The following ROR1 variants were observed in gnomAD, a reference collection of about 807,000 sequenced individuals.
ROR1 encodes the protein inactive tyrosine-protein kinase transmembrane receptor ROR1.
A neutral mutation model predicts 78.8 loss-of-function variants in ROR1; 19 were observed. That is an observed-to-expected ratio of 0.24 (90% confidence interval 0.17 to 0.35). The LOEUF (loss-of-function observed/expected upper bound fraction) is 0.35, where lower values mean the gene tolerates loss of function less well. Ranked by LOEUF, ROR1 falls within the 10% of genes least tolerant of loss-of-function variation. The probability of loss-of-function intolerance (pLI) is 1.00; values close to 1 mark genes in which losing one functional copy is unlikely to be tolerated. For missense variants in ROR1, 917 were observed against 1,177.8 expected (o/e 0.78, Z 3.24); for synonymous variants, 386 against 433.6 (o/e 0.89, Z 1.36).
chr1:63,828,170 A>G (rs1413998138), intron 1 of ROR1, among the ~76,000 whole-genome samples: 2 of 152,188 alleles, frequency 1.3e-5, no homozygotes, highest in Non-Finnish European at 2.9e-5. Flanking sequence ...AGGAAACCCA[A>G]ATCCAGGTTT....
chr1:64,002,824 G>T (rs1330631662), intron 1 of ROR1, among the ~76,000 whole-genome samples: 1 of 152,186 alleles, frequency 6.6e-6, no homozygotes, highest in African/African-American at 2.4e-5. Context: ...GAGGAGCTTG[G>T]CCTCTGGTAT....
rs139974067 is a variant in ROR1, at chr1:63,981,944, T to C, written c.92-27361T>C. On this transcript the variant is annotated intron_variant, in intron 1 of 8. Coordinates refer to ENST00000371079, the MANE Select transcript of ROR1 (RefSeq NM_005012.4). ...TGTTGTTAATGCTTGTTGCTCTCGCTTGCCTCCCTTTTTGTTTTCTCTTTT... is the reference window on the plus strand; with the variant it reads ...TGTTGTTAATGCTTGTTGCTCTCGCCTGCCTCCCTTTTTGTTTTCTCTTTT... Among the ~76,000 whole-genome samples the C allele has an allele frequency of 6.6e-3, 1,000 of 152,234 alleles. 8 individuals are homozygous for C. Among genetic ancestry groups the C allele is most frequent in the Middle Eastern group, 0.048 (14 of 294 alleles).
intron 1 of ROR1, among the ~76,000 whole-genome samples, chr1:63,798,675 T>C (rs1644777460): frequency 6.6e-6 from 1 of 152,140 alleles, no homozygotes; most frequent in Non-Finnish European, 1.5e-5. Flanking sequence ...ACTTAACACA[T>C]TGTGGCTATT....
At chr1:64,007,772 C>T (rs977341715) in intron 1 of ROR1, among the ~76,000 whole-genome samples, 4 of 152,096 alleles carry the variant, frequency 2.6e-5, no homozygotes, top group South Asian at 4.1e-4. Context: ...ATTCCAAACA[C>T]GACCAGTGAA....
chr1:63,813,689 C>T lies in ROR1; in HGVS notation c.91+39181C>T, dbSNP rs79859391. Among the ~76,000 whole-genome samples, 888 of 152,322 alleles carry T rather than the reference C, an allele frequency of 5.8e-3. 7 individuals carry two copies. Among genetic ancestry groups the T allele is most frequent in the African/African-American group, 0.019 (788 of 41,566 alleles). On this transcript the variant is annotated intron_variant, in intron 1 of 8. Coordinates refer to ENST00000371079, the MANE Select transcript of ROR1 (RefSeq NM_005012.4). ...GCCCATTGAAAACTAGCACGATGAT[C>T]AGATGGACTTCTCTCTGTCTAAGGG...
chr1:63,908,359 G>T (rs1645544094), intron 1 of ROR1, among the ~76,000 whole-genome samples: 1 of 152,154 alleles, frequency 6.6e-6, no homozygotes, highest in African/African-American at 2.4e-5. Flanking sequence ...TGACCCACAG[G>T]CTCAGATCTG....
At chr1:63,790,819 CCTCTCTCTTCTTT>C (rs1407229745) in intron 1 of ROR1, among the ~76,000 whole-genome samples, 1 of 152,162 alleles carries the variant, frequency 6.6e-6, no homozygotes, top group Non-Finnish European at 1.5e-5. Flanking sequence ...GGGAGCTCTT[CCTCTCTCTTCTTT>C]CTCTCAATGA....
chr1:63,867,098 T>C (rs77121559), intron 1 of ROR1, among the ~76,000 whole-genome samples: 2 of 152,360 alleles, frequency 1.3e-5, no homozygotes, highest in East Asian at 3.9e-4. Context: ...GTACTTATAC[T>C]GTATGGGGAC....
Position 63,867,929 on chromosome 1 carries a change from G to C in ROR1, c.91+93421G>C, listed in dbSNP as rs574497882. ...GGCATGAGGGTTACTGCCGAGCATGGCCATGTCGTTAGTTCCCTTTGGAAA... is the reference window on the plus strand; with the variant it reads ...GGCATGAGGGTTACTGCCGAGCATGCCCATGTCGTTAGTTCCCTTTGGAAA... On this transcript the variant is annotated intron_variant, in intron 1 of 8. Transcript: ENST00000371079. Among the ~76,000 whole-genome samples the C allele has an allele frequency of 2.6e-5, 4 of 152,320 alleles. No homozygotes were observed. The South Asian group carries it at 8.3e-4, about 32-fold the overall frequency.
intron 1 of ROR1, among the ~76,000 whole-genome samples, chr1:63,982,410 G>A (rs550449166): frequency 2.0e-5 from 3 of 152,242 alleles, no homozygotes; most frequent in South Asian, 2.1e-4. Flanking sequence ...AATGTATCAC[G>A]GGCCTACAAA....
chr1:63,911,707 T>C (rs553725319), intron 1 of ROR1, among the ~76,000 whole-genome samples: 1 of 152,276 alleles, frequency 6.6e-6, no homozygotes, highest in African/African-American at 2.4e-5. Flanking sequence ...TTACGTTGTT[T>C]GTACTAGTGA....
intron 7 of ROR1, among the ~76,000 whole-genome samples, chr1:64,146,515 G>A (rs1350882060): frequency 6.6e-6 from 1 of 152,108 alleles, no homozygotes; most frequent in Non-Finnish European, 1.5e-5. Flanking sequence ...AGCATTATTT[G>A]TTCCACCCTA....
rs891162727 is a variant in ROR1, at chr1:63,900,806, TA to T, written c.92-108491del. Among the ~76,000 whole-genome samples, 5 of 152,176 alleles carry T rather than the reference TA, an allele frequency of 3.3e-5. No individual in the cohort carries two copies. In the South Asian group the frequency reaches 6.2e-4, roughly 19 times the overall value. ...TATGTATCTGTTTTGAAATGTAATT[TA>T]AAAAAAATCTAAATATATCATGAAC... On this transcript the variant is annotated intron_variant, in intron 1 of 8. Coordinates refer to ENST00000371079, the MANE Select transcript of ROR1 (RefSeq NM_005012.4).
intron 1 of ROR1, among the ~76,000 whole-genome samples, chr1:63,975,579 A>C (rs1646153270): frequency 1.3e-5 from 2 of 152,184 alleles, no homozygotes; most frequent in Non-Finnish European, 2.9e-5. Context: ...GCCCGGAAGT[A>C]TAAAACAGAA....
chr1:64,058,099 A>G (rs1177013241), intron 4 of ROR1, among the ~76,000 whole-genome samples: 1 of 152,148 alleles, frequency 6.6e-6, no homozygotes, highest in Non-Finnish European at 1.5e-5. Flanking sequence ...GCTATTGGAA[A>G]TGGAATTTTT....
intron 2 of ROR1, among the ~76,000 whole-genome samples, chr1:64,035,154 G>A (rs555378230): frequency 6.6e-6 from 1 of 152,278 alleles, no homozygotes; most frequent in African/African-American, 2.4e-5. Flanking sequence ...CCCCTCATGA[G>A]TCTCCATCAT....
intron 1 of ROR1, among the ~76,000 whole-genome samples, chr1:63,911,175 A>G (rs901113907): frequency 3.3e-5 from 5 of 152,112 alleles, no homozygotes; most frequent in Admixed American, 2.0e-4. Context: ...TAACCTCTGG[A>G]GTTAAACATA....
intron 1 of ROR1, among the ~76,000 whole-genome samples, chr1:63,828,462 G>A (rs653049): frequency 0.31 from 46,407 of 151,994 alleles, 8,942 homozygotes; most frequent in African/African-American, 0.55. Flanking sequence ...TATATATAGA[G>A]GATGACTTCT....
chr1:63,882,144 A>G (rs1388941840), intron 1 of ROR1, among the ~76,000 whole-genome samples: 3 of 152,170 alleles, frequency 2.0e-5, no homozygotes, highest in Non-Finnish European at 4.4e-5. Context: ...TGAATAAACA[A>G]GAGAAGTGCA....
Sources: gnomAD v4.1 joint callset for allele counts (sites outside exome capture counted in the v4.1 genomes callset) on GRCh38, gnomAD v4.1.1 for gene constraint, MANE v1.5 for transcripts, NCBI Gene and HGNC (gene_info 2026-07-23, HGNC 2026-07-21) for gene names.